The following DCC variants were observed in gnomAD, a reference collection of about 807,000 sequenced individuals.
DCC encodes netrin receptor DCC.
A neutral mutation model predicts 172.5 loss-of-function variants in DCC; 58 were observed. The ratio of observed to expected loss-of-function variants is 0.34; its 90% CI spans 0.27 to 0.42. The LOEUF is 0.42. DCC is among the 10% of genes least tolerant of loss of function. DCC has a pLI of 1.00. For synonymous variants in DCC, 709 were observed against 644.5 expected, an observed-to-expected ratio of 1.10 and a Z score of -1.52; for missense variants, 1,740 against 1,791.0, an observed-to-expected ratio of 0.97 and a Z score of 0.51.
At chr18:52,477,965 A>G (rs1483677166) in intron 1 of DCC, among the ~76,000 whole-genome samples, 4 of 151,926 alleles carry the variant, frequency 2.6e-5, no homozygotes, top group African/African-American at 9.7e-5. Flanking sequence ...ACACACCACC[A>G]TACCCCGCTA....
chr18:53,330,329 C>T (rs1235759583), intron 14 of DCC, among the ~76,000 whole-genome samples: 2 of 152,084 alleles, frequency 1.3e-5, no homozygotes, highest in Non-Finnish European at 2.9e-5. Context: ...AAAAGCCTCC[C>T]TATCACCCTC....
chr18:53,418,398 G>A (rs1193626603), intron 21 of DCC, among the ~76,000 whole-genome samples: 4 of 152,068 alleles, frequency 2.6e-5, no homozygotes, highest in Non-Finnish European at 5.9e-5. Context: ...GAAAATAATA[G>A]GAAGAGGCTG....
At chr18:53,130,496 A>G (rs1294074775) in intron 7 of DCC, among the ~76,000 whole-genome samples, 3 of 152,044 alleles carry the variant, frequency 2.0e-5, no homozygotes, top group Admixed American at 6.6e-5. Flanking sequence ...GTTGTCTCCA[A>G]GTCTAGGGAT....
At chr18:52,505,844 G>GT (rs1483802597) in intron 1 of DCC, among the ~76,000 whole-genome samples, 3 of 152,026 alleles carry the variant, frequency 2.0e-5, no homozygotes, top group African/African-American at 4.8e-5. Flanking sequence ...GAATAGCATT[G>GT]TTTTTTTCAA....
chr18:52,426,466 A>G (rs752262948), intron 1 of DCC, among the ~76,000 whole-genome samples: 11 of 151,934 alleles, frequency 7.2e-5, no homozygotes, highest in African/African-American at 7.3e-5. Flanking sequence ...AAACTGTGTG[A>G]TGACCAGTTT....
At chr18:53,011,111 A>G (rs2041724694) in intron 5 of DCC, among the ~76,000 whole-genome samples, 5 of 151,490 alleles carry the variant, frequency 3.3e-5, no homozygotes, top group Admixed American at 2.0e-4. Flanking sequence ...AACTCATTTT[A>G]CAAATACTCT....
chr18:53,317,149 A>G (rs55885537), intron 13 of DCC, among the ~76,000 whole-genome samples: 6,516 of 152,230 alleles, frequency 0.043, 450 homozygotes, highest in African/African-American at 0.14. Flanking sequence ...AGTTTTTAGC[A>G]TGAAGAGGTG....
intron 5 of DCC, among the ~76,000 whole-genome samples, chr18:53,039,838 T>A (rs1471530241): frequency 6.6e-6 from 1 of 151,996 alleles, no homozygotes; most frequent in Non-Finnish European, 1.5e-5. Flanking sequence ...TCTTCTGTAA[T>A]AGCAATGATC....
chr18:52,806,712 T>C (rs2038092089), intron 2 of DCC, among the ~76,000 whole-genome samples: 1 of 152,214 alleles, frequency 6.6e-6, no homozygotes, highest in Non-Finnish European at 1.5e-5. Context: ...CTTTATGGCT[T>C]CTTCCGGTTG....
At chr18:52,900,618 ATG>A (rs2039796188) in intron 2 of DCC, among the ~76,000 whole-genome samples, 1 of 152,216 alleles carries the variant, frequency 6.6e-6, no homozygotes, top group South Asian at 2.1e-4. Flanking sequence ...GAGCTTCCAT[ATG>A]TGTCTGACTT....
At chr18:53,279,755 T>TA (rs970608279) in intron 12 of DCC, among the ~76,000 whole-genome samples, 1 of 151,142 alleles carries the variant, frequency 6.6e-6, no homozygotes, top group Admixed American at 6.6e-5. Context: ...TACACAATCA[T>TA]AAAAAAGAAT....
chr18:53,529,439 G>A (rs1388229373), intron 28 of DCC, among the ~76,000 whole-genome samples: 4 of 152,228 alleles, frequency 2.6e-5, no homozygotes, highest in Admixed American at 6.5e-5. Context: ...AATGGAATGC[G>A]CTAGCCAAGA....
intron 1 of DCC, among the ~76,000 whole-genome samples, chr18:52,653,444 C>A (rs576185214): frequency 3.9e-5 from 6 of 152,076 alleles, no homozygotes; most frequent in African/African-American, 1.4e-4. Context: ...AATAATTGCA[C>A]CATGTTTGAA....
intron 1 of DCC, among the ~76,000 whole-genome samples, chr18:52,450,501 G>T (rs1364772712): frequency 6.6e-6 from 1 of 152,126 alleles, no homozygotes; most frequent in Non-Finnish European, 1.5e-5. Flanking sequence ...TCTCAAAATT[G>T]TCCTGTTTTG....
chr18:53,382,756 G>A (rs1907866280), intron 15 of DCC, among the ~76,000 whole-genome samples: 1 of 152,018 alleles, frequency 6.6e-6, no homozygotes, highest in Admixed American at 6.6e-5. Flanking sequence ...CCTTTTGGAG[G>A]GAAAGCAATT....
At chr18:52,467,498 C>T (rs930206999) in intron 1 of DCC, among the ~76,000 whole-genome samples, 2 of 152,136 alleles carry the variant, frequency 1.3e-5, no homozygotes, top group African/African-American at 4.8e-5. Context: ...AACAGTGCTG[C>T]AATAAACATA....
intron 2 of DCC, among the ~76,000 whole-genome samples, chr18:52,838,207 T>C (rs1314490916): frequency 6.6e-6 from 1 of 152,226 alleles, no homozygotes; most frequent in Admixed American, 6.5e-5. Flanking sequence ...ATTTTTAAAC[T>C]TTATAAAATT....
chr18:53,196,443 C>G (rs1227409261), intron 9 of DCC, among the ~76,000 whole-genome samples: 1 of 152,166 alleles, frequency 6.6e-6, no homozygotes, highest in East Asian at 1.9e-4. Flanking sequence ...AGTGAAAAAT[C>G]TGAGCTGTCT....
intron 5 of DCC, among the ~76,000 whole-genome samples, chr18:52,962,871 T>C (rs1257128468): frequency 3.4e-5 from 5 of 145,714 alleles, no homozygotes; most frequent in Non-Finnish European, 5.9e-5. Context: ...AACCAAACAC[T>C]GCATGTTCTC....
Sources: allele counts gnomAD v4.1 joint callset (sites outside exome capture counted in the v4.1 genomes callset), GRCh38; gene constraint gnomAD v4.1.1; transcripts MANE v1.5; gene names NCBI Gene and HGNC (gene_info 2026-07-23, HGNC 2026-07-21).